Variants in MYO9A observed in about 807,000 individuals in gnomAD.
MYO9A encodes myosin IXA.
A neutral mutation model predicts 293.3 loss-of-function variants in MYO9A; 103 were observed. The observed-to-expected ratio is 0.35, with a 90% confidence interval of 0.30 to 0.41. MYO9A has a LOEUF of 0.41. MYO9A is among the 10% of genes least tolerant of loss of function. MYO9A has a pLI of 1.00. For synonymous variants in MYO9A, 1,001 were observed against 1,035.7 expected (o/e 0.97, Z 0.64); for missense variants, 2,685 against 3,033.0 (o/e 0.89, Z 2.69).
chr15:72,090,989 TAAATAAAAAATAAAAAAATAAAA>T (rs761287272), intron 1 of MYO9A, among the ~76,000 whole-genome samples: 2,044 of 150,430 alleles, frequency 0.014, 25 homozygotes, highest in Middle Eastern at 0.041. Context: ...AAAAAATAAA[TAAATAAAAAATAAAAAAATAAAA>T]AAGCAACACC....
At chr15:71,920,755 G>C (rs2058135008) in intron 18 of MYO9A, among the ~76,000 whole-genome samples, 1 of 151,924 alleles carries the variant, frequency 6.6e-6, no homozygotes, top group South Asian at 2.1e-4. Context: ...GGAAACCAGT[G>C]AGGTCAATAT....
At chr15:71,950,732 A>G (rs2059030019) in intron 15 of MYO9A, among the ~76,000 whole-genome samples, 1 of 152,208 alleles carries the variant, frequency 6.6e-6, no homozygotes. Context: ...AGAATCCACA[A>G]CATTTGTTCT....
At chr15:71,995,285 T>C (rs145970538) in intron 9 of MYO9A, among the ~76,000 whole-genome samples, 204 of 152,330 alleles carry the variant, frequency 1.3e-3, no homozygotes, top group South Asian at 4.3e-3. Context: ...CATTAATTTC[T>C]GTGGAATCCT....
intron 22 of MYO9A, among the ~76,000 whole-genome samples, chr15:71,901,650 T>C (rs999309798): frequency 1.7e-4 from 25 of 146,028 alleles, no homozygotes; most frequent in Admixed American, 2.7e-4. Flanking sequence ...TAGAGAGACC[T>C]GGTCTCCAAA....
At chr15:72,031,558 T>C (rs2077871565) in intron 3 of MYO9A, among the ~76,000 whole-genome samples, 1 of 152,144 alleles carries the variant, frequency 6.6e-6, no homozygotes, top group African/African-American at 2.4e-5. Flanking sequence ...ATGTGGTCTC[T>C]GTCTGAAAAC....
intron 1 of MYO9A, among the ~76,000 whole-genome samples, chr15:72,077,642 TGGCGGGG>T (rs1364615234): frequency 3.5e-5 from 5 of 141,594 alleles, no homozygotes. Flanking sequence ...GGTGGCAGGG[TGGCGGGG>T]GGCGGCGCGG....
At chr15:72,000,548 C>T (rs902018067) in intron 8 of MYO9A, among the ~76,000 whole-genome samples, 8 of 152,162 alleles carry the variant, frequency 5.3e-5, no homozygotes, top group African/African-American at 1.9e-4. Flanking sequence ...TGTTCATAAA[C>T]ACTATGCTAT....
intron 1 of MYO9A, among the ~76,000 whole-genome samples, chr15:72,117,437 C>G (rs1332861612): frequency 6.6e-6 from 1 of 152,070 alleles, no homozygotes; most frequent in African/African-American, 2.4e-5. Flanking sequence ...GTTGGGGGGA[C>G]CGTGACAGAA....
rs189843198 is a variant in MYO9A, at chr15:72,074,304, G to T, written c.-71-27670C>A. ...TAATAAAATACTGAAAGTTCTTCCA[G>T]TTAGAATTTAAAGGTCACAAGGGAG... On this transcript the variant is annotated intron_variant, in intron 1 of 41. Coordinates refer to ENST00000356056, the MANE Select transcript of MYO9A (RefSeq NM_006901.4). 2.9e-3 allele frequency among the ~76,000 whole-genome samples: 444 copies of T among 152,110 alleles called. 2 individuals carry two copies. Among genetic ancestry groups the T allele is most frequent in the Non-Finnish European group, 3.9e-3 (265 of 68,002 alleles).
chr15:71,907,189 C>T (rs1012988191), intron 19 of MYO9A, among the ~76,000 whole-genome samples: 38 of 150,600 alleles, frequency 2.5e-4, no homozygotes, highest in African/African-American at 8.6e-4. Context: ...GGAGAATATG[C>T]GGTGTTTGGT....
chr15:71,988,751 G>C (rs1185943778), intron 11 of MYO9A, among the ~76,000 whole-genome samples: 1 of 152,182 alleles, frequency 6.6e-6, no homozygotes, highest in Non-Finnish European at 1.5e-5. Context: ...AGTTCAGTTT[G>C]ATGAAACCTG....
intron 12 of MYO9A, among the ~76,000 whole-genome samples, chr15:71,973,268 T>C (rs1157127898): frequency 6.6e-6 from 1 of 152,172 alleles, no homozygotes; most frequent in Non-Finnish European, 1.5e-5. Context: ...CAATAATTCA[T>C]GCCTCCAGAA....
At chr15:72,049,196 A>T (rs553871467) in intron 1 of MYO9A, among the ~76,000 whole-genome samples, 2 of 152,286 alleles carry the variant, frequency 1.3e-5, no homozygotes, top group East Asian at 3.9e-4. Flanking sequence ...TTTTTAAGAG[A>T]ACTACAGTAT....
intron 13 of MYO9A, 120 bp from the exon 14 acceptor site, chr15:71,960,216 C>T: frequency 1.2e-6 from 1 of 866,932 alleles, no homozygotes; most frequent in Non-Finnish European, 1.8e-6. Context: ...ATGTGATTCC[C>T]CCATGGTGGA....
At chr15:71,928,546 AC>A (rs1352593731) in intron 18 of MYO9A, among the ~76,000 whole-genome samples, 2 of 152,084 alleles carry the variant, frequency 1.3e-5, no homozygotes, top group Non-Finnish European at 2.9e-5. Context: ...GGAGATTTTA[AC>A]AATATTAATT....
At chr15:72,019,399 G>A (rs1327232706) in intron 5 of MYO9A, among the ~76,000 whole-genome samples, 1 of 152,102 alleles carries the variant, frequency 6.6e-6, no homozygotes, top group African/African-American at 2.4e-5. Flanking sequence ...AGATCTGAAA[G>A]AACAGCAAAA....
At chr15:72,012,304 T>A (rs962372138) in intron 6 of MYO9A, among the ~76,000 whole-genome samples, 2 of 151,692 alleles carry the variant, frequency 1.3e-5, no homozygotes, top group South Asian at 2.1e-4. Context: ...ATTAAAATAA[T>A]TTTTTTTTGA....
intron 12 of MYO9A, among the ~76,000 whole-genome samples, chr15:71,973,452 GT>G (rs1177013217): frequency 6.6e-6 from 1 of 152,148 alleles, no homozygotes; most frequent in African/African-American, 2.4e-5. Flanking sequence ...TGGAAAACAT[GT>G]TTGGGTTGAT....
At chr15:72,050,210 T>C (rs554687719) in intron 1 of MYO9A, among the ~76,000 whole-genome samples, 17 of 152,078 alleles carry the variant, frequency 1.1e-4, no homozygotes, top group African/African-American at 4.1e-4. Context: ...CACTCAGAAA[T>C]CCATCTTGAT....
Sources: gnomAD v4.1 joint callset for allele counts (sites outside exome capture counted in the v4.1 genomes callset) on GRCh38, gnomAD v4.1.1 for gene constraint, MANE v1.5 for transcripts, NCBI Gene and HGNC (gene_info 2026-07-23, HGNC 2026-07-21) for gene names.